The following MARCHF11 variants were observed in gnomAD, a reference collection of about 807,000 sequenced individuals.
MARCHF11 encodes E3 ubiquitin-protein ligase MARCHF11.
In MARCHF11, 29 loss-of-function variants were observed where a neutral mutation model predicts 37.3. The ratio of observed to expected loss-of-function variants is 0.78; its 90% CI spans 0.58 to 1.06. The LOEUF (loss-of-function observed/expected upper bound fraction) is 1.06, where lower values mean the gene tolerates loss of function less well. MARCHF11 is among the 50% of genes least tolerant of loss of function. MARCHF11 has a pLI of 0.00. For missense variants in MARCHF11, 482 were observed against 533.4 expected (o/e 0.90, Z 0.95); for synonymous variants, 233 against 228.0 (o/e 1.02, Z -0.20).
At chr5:16,071,218 T>A (rs976950926) in intron 3 of MARCHF11, among the ~76,000 whole-genome samples, 57 of 152,328 alleles carry the variant, frequency 3.7e-4, no homozygotes, top group African/African-American at 1.3e-3. Context: ...CGAAAAGCAA[T>A]GATCACTTCT....
intron 2 of MARCHF11, among the ~76,000 whole-genome samples, chr5:16,101,847 A>G (rs73044641): frequency 0.065 from 9,925 of 152,302 alleles, 680 homozygotes; most frequent in African/African-American, 0.18. Context: ...ATGTAGGCCA[A>G]TGCAATTTCT....
At chr5:16,174,895 T>C (rs1738330997) in intron 2 of MARCHF11, among the ~76,000 whole-genome samples, 1 of 152,256 alleles carries the variant, frequency 6.6e-6, no homozygotes, top group Non-Finnish European at 1.5e-5. Flanking sequence ...CTCTTGAATC[T>C]GAGTTGGGCC....
chr5:16,145,072 T>TA, intron 2 of MARCHF11, among the ~76,000 whole-genome samples: 1 of 152,294 alleles, frequency 6.6e-6, no homozygotes, highest in South Asian at 2.1e-4. Context: ...CATTCATTTT[T>TA]AAAGTCAAAG....
At chr5:16,094,273 A>G (rs1736830765) in intron 2 of MARCHF11, among the ~76,000 whole-genome samples, 1 of 152,126 alleles carries the variant, frequency 6.6e-6, no homozygotes, top group African/African-American at 2.4e-5. Context: ...TTGTCCTTGG[A>G]GGGTGTGCAT....
chr5:16,069,416 T>C (rs1736399692), intron 3 of MARCHF11, among the ~76,000 whole-genome samples: 1 of 152,140 alleles, frequency 6.6e-6, no homozygotes, highest in Non-Finnish European at 1.5e-5. Context: ...CATTTGGGTG[T>C]CCCAAATGTT....
chr5:16,067,220 C>A lies in MARCHF11; in HGVS notation c.*251G>T. ...GGATAACTTTCATTATTCTTTTAAC[C>A]AAGTATAGTTAAATTATATGTATAA... On this transcript the variant is annotated 3_prime_UTR_variant, in exon 4 of 4. Transcript: ENST00000332432. 2.7e-6 allele frequency: 1 copy of A among 368,732 alleles called. No individual in the cohort carries two copies. Among genetic ancestry groups the A allele is most frequent in the Non-Finnish European group, 4.8e-6 (1 of 206,842 alleles). 22.8% of individuals were successfully genotyped at this position (368,732 alleles called of 1,614,324 possible).
At chr5:16,126,232 G>A (rs564608722) in intron 2 of MARCHF11, among the ~76,000 whole-genome samples, 17 of 152,242 alleles carry the variant, frequency 1.1e-4, no homozygotes, top group East Asian at 3.9e-4. Context: ...AGTGAAAGAG[G>A]CAGAGATCAT....
intron 2 of MARCHF11, among the ~76,000 whole-genome samples, chr5:16,133,286 A>T (rs1489870840): frequency 6.6e-6 from 1 of 152,106 alleles, no homozygotes; most frequent in Non-Finnish European, 1.5e-5. Flanking sequence ...CAAGTTCTAA[A>T]CCTTCCTTGG....
chr5:16,118,479 C>T (rs548762122), intron 2 of MARCHF11, among the ~76,000 whole-genome samples: 7 of 152,150 alleles, frequency 4.6e-5, no homozygotes, highest in South Asian at 2.1e-4. Context: ...TGCACTGAGA[C>T]GAGGAGATCG....
chr5:16,092,327 T>G (rs1736802296), intron 2 of MARCHF11, among the ~76,000 whole-genome samples: 1 of 152,238 alleles, frequency 6.6e-6, no homozygotes, highest in African/African-American at 2.4e-5. Context: ...TAAATACCAA[T>G]GTACATTTGA....
chr5:16,138,913 C>A (rs1290758011), intron 2 of MARCHF11, among the ~76,000 whole-genome samples: 1 of 152,136 alleles, frequency 6.6e-6, no homozygotes, highest in Non-Finnish European at 1.5e-5. Flanking sequence ...GCCTGTAGCC[C>A]CATTGTATCT....
chr5:16,073,671 T>C (rs1375868935), intron 3 of MARCHF11, among the ~76,000 whole-genome samples: 1 of 151,512 alleles, frequency 6.6e-6, no homozygotes, highest in Non-Finnish European at 1.5e-5. Flanking sequence ...CGTAAAGATA[T>C]AAAGACTGAA....
chr5:16,124,098 G>A (rs1030258861), intron 2 of MARCHF11, among the ~76,000 whole-genome samples: 4 of 152,170 alleles, frequency 2.6e-5, no homozygotes, highest in South Asian at 2.1e-4. Context: ...CGAGAGTGAC[G>A]TTGCAGGCCT....
chr5:16,164,175 C>T (rs1359280107), intron 2 of MARCHF11, among the ~76,000 whole-genome samples: 2 of 152,024 alleles, frequency 1.3e-5, no homozygotes, highest in Non-Finnish European at 2.9e-5. Context: ...AAAGGACATT[C>T]TGCAATAATA....
chr5:16,119,053 G>A (rs560621606), intron 2 of MARCHF11, among the ~76,000 whole-genome samples: 10 of 152,164 alleles, frequency 6.6e-5, no homozygotes, highest in African/African-American at 1.7e-4. Context: ...ATCCAATAGC[G>A]AGAGACACTT....
At chr5:16,092,611 AT>A (rs1471116205) in intron 2 of MARCHF11, among the ~76,000 whole-genome samples, 8 of 152,186 alleles carry the variant, frequency 5.3e-5, no homozygotes. Flanking sequence ...GAGGGAGAGC[AT>A]TAGGACAAAT....
intron 2 of MARCHF11, among the ~76,000 whole-genome samples, chr5:16,175,517 T>A (rs906779452): frequency 3.3e-5 from 5 of 152,192 alleles, no homozygotes; most frequent in African/African-American, 1.2e-4. Flanking sequence ...ACTAGATAGG[T>A]ACCTAGTAGA....
At chr5:16,109,103 T>TACACACAC (rs3031633) in intron 2 of MARCHF11, among the ~76,000 whole-genome samples, 1,968 of 141,380 alleles carry the variant, frequency 0.014, 30 homozygotes, top group African/African-American at 0.037. Flanking sequence ...ACATAAGAAA[T>TACACACAC]ACACACACAC....
intron 2 of MARCHF11, among the ~76,000 whole-genome samples, chr5:16,122,549 ATGACCACC>A (rs1737328157): frequency 6.6e-6 from 1 of 152,222 alleles, no homozygotes; most frequent in Non-Finnish European, 1.5e-5. Flanking sequence ...TCCATGCCCA[ATGACCACC>A]TTGTCTTTCT....
Sources: allele counts gnomAD v4.1 joint callset (sites outside exome capture counted in the v4.1 genomes callset), GRCh38; gene constraint gnomAD v4.1.1; transcripts MANE v1.5; gene names NCBI Gene and HGNC (gene_info 2026-07-23, HGNC 2026-07-21).